DPM2: variants seen among roughly 807,000 people sequenced by gnomAD.
The protein encoded by DPM2 is dolichol phosphate-mannose biosynthesis regulatory protein.
In DPM2, 8 loss-of-function variants were observed where a neutral mutation model predicts 12.1. The ratio of observed to expected loss-of-function variants is 0.66; its 90% CI spans 0.39 to 1.19. The LOEUF (loss-of-function observed/expected upper bound fraction) is 1.19. Ranked by LOEUF, DPM2 falls within the 50% of genes most tolerant of loss-of-function variation. The pLI, the probability that DPM2 is intolerant of heterozygous loss-of-function variation, is 0.01. For missense variants in DPM2, 93 were observed against 102.5 expected (o/e 0.91, Z 0.40); for synonymous variants, 38 against 44.7 (o/e 0.85, Z 0.60).
At chr9:127,936,412 G>T in intron 3 of DPM2, 141 bp downstream of exon 3, 3 of 1,581,376 alleles carry the variant, frequency 1.9e-6, no homozygotes, top group Non-Finnish European at 2.6e-6. Flanking sequence ...CTGACTGGCA[G>T]CCTCGAAGGA....
At position 127,935,553 on chromosome 9, in the gene DPM2, G is replaced by A. The variant is rs1298413926; in HGVS notation, c.*169C>T. 1.5e-6 allele frequency: 1 copy of A among 686,400 alleles called. No homozygotes were observed. Among genetic ancestry groups the A allele is most frequent in the Non-Finnish European group, 2.5e-6 (1 of 394,748 alleles). 42.5% of individuals were successfully genotyped at this position (686,400 alleles called of 1,614,324 possible). On this transcript the variant is annotated 3_prime_UTR_variant, in exon 4 of 4. Coordinates refer to ENST00000314392, the MANE Select transcript of DPM2 (RefSeq NM_003863.4). ...CCTAGCTTCTGGAAGTGGGAGTCGGGGAGGGGGCTCCAGTCAGTCAGGTGT... is the reference window on the plus strand; with the variant it reads ...CCTAGCTTCTGGAAGTGGGAGTCGGAGAGGGGGCTCCAGTCAGTCAGGTGT...
In DPM2 at chr9:127,935,768, G is replaced by T; in HGVS notation, c.209C>A (p.Ser70Tyr). Residue 70 changes from serine to tyrosine, a missense_variant, in exon 4 of 4, where the codon TCC becomes TAC. Physicochemically the swap from Ser to Tyr is moderately radical, Grantham distance 144. Coordinates refer to ENST00000314392, the MANE Select transcript of DPM2 (RefSeq NM_003863.4). ...TCTCTTGGTCTTCAGCATCACATAG[G>T]AGATGAACAGTCCTGGGATACACAG... ...LLLLFVGLFI[S>Y]YVMLKTKRVT... The T allele has an allele frequency of 6.2e-7, 1 of 1,613,188 alleles. No homozygotes were observed. Among genetic ancestry groups the T allele is most frequent in the Non-Finnish European group, 8.5e-7 (1 of 1,179,202 alleles).
chr9:127,936,172 C>A, intron 3 of DPM2: 4 of 1,066,428 alleles, frequency 3.8e-6, no homozygotes, highest in Non-Finnish European at 5.2e-6. Context: ...ATCCAAATGA[C>A]TTTCTGAGCA....
intron 2 of DPM2, 101 bp from the exon 3 acceptor site, chr9:127,936,756 G>C: frequency 1.0e-6 from 1 of 995,828 alleles, no homozygotes; most frequent in South Asian, 2.8e-5. Flanking sequence ...CCCATTCAGA[G>C]GACTGGGACT....
chr9:127,936,272 G>A, intron 3 of DPM2: 1 of 1,441,720 alleles, frequency 6.9e-7, no homozygotes, highest in African/African-American at 1.4e-5. Flanking sequence ...GAGAGGTGCA[G>A]GAATTAGAAG....
chr9:127,935,511 TC>T lies in DPM2; in HGVS notation c.*210del. 1.6e-6 allele frequency: 1 copy of T among 608,278 alleles called. No individual in the cohort carries two copies. Among genetic ancestry groups the T allele is most frequent in the Non-Finnish European group, 2.9e-6 (1 of 343,254 alleles). The allele number at this position is 608,278 out of a possible 1,614,324, so 37.7% of individuals were successfully genotyped here. On this transcript the variant is annotated 3_prime_UTR_variant, in exon 4 of 4. Transcript: ENST00000314392. ...AGCAAGAAGGAGGTGACCGGAGTCT[TC>T]CAGGTATCCCTCCCTCCTAGCTTCT... is the stretch of plus-strand genomic sequence containing the variant.
chr9:127,937,496 G>A lies in DPM2; in HGVS notation c.31C>T (p.Leu11Phe). The change falls in exon 2 of 4, where the codon CTC becomes TTC. Residue 11 changes from leucine to phenylalanine, a missense_variant. Coordinates refer to ENST00000314392, the MANE Select transcript of DPM2 (RefSeq NM_003863.4). ...ATCAGGCTAACGGCGACGAGGCCGA[G>A]TCCCACCACCTGGTCTGTCCCCGTG... MATGTDQVVG[L>F]GLVAVSLIIF... 1.2e-6 allele frequency: 2 copies of A among 1,614,034 alleles called. No homozygotes were observed. Among genetic ancestry groups the A allele is most frequent in the Non-Finnish European group, 1.7e-6 (2 of 1,179,912 alleles).
In DPM2 at chr9:127,935,444, T is replaced by G. The variant is rs1018940950; in HGVS notation, c.*278A>C. ...ACCCAGGGGAAAAGGTGGCAGGGAG[T>G]CTGAGAGTGAGGTTGGGAGGACCAG... is the stretch of plus-strand genomic sequence containing the variant. On this transcript the variant is annotated 3_prime_UTR_variant, in exon 4 of 4. Coordinates refer to ENST00000314392, the MANE Select transcript of DPM2 (RefSeq NM_003863.4). 1 of 518,834 alleles carries G rather than the reference T, an allele frequency of 1.9e-6. No homozygotes were observed. The highest frequency in any genetic ancestry group is 3.5e-6 in the Non-Finnish European group (1 of 287,786). The allele number at this position is 518,834 out of a possible 1,614,324, so 32.1% of individuals were successfully genotyped here. A position where few individuals can be genotyped will look rare whatever the true frequency, so the allele number is the denominator to read the frequency against.
At position 127,937,439 on chromosome 9, in the gene DPM2, GA is replaced by G. The variant is rs749899610; in HGVS notation, c.87del (p.Leu30SerfsTer43). 9 of 1,612,496 alleles carry G rather than the reference GA, an allele frequency of 5.6e-6. No homozygotes were observed. Among genetic ancestry groups the G allele is most frequent in the African/African-American group, 1.3e-5 (1 of 75,008 alleles). Reference protein sequence around the residue: ...IIFTYYTAWVILLPFIDSQHV... With the variant: ...IIFTYYTAWVXLLPFIDSQHV... The stretch of plus-strand genomic sequence containing the variant: ...GGACGGGGAGAATGACATACCAAGA[GA>G]ATCACCCAGGCGGTGTAGTAGGTGA... On this transcript the variant is annotated frameshift_variant, in exon 2 of 4. Transcript: ENST00000314392. LOFTEE classifies it high-confidence loss of function.
At position 127,935,541 on chromosome 9, in the gene DPM2, A is replaced by G. The variant is rs1226769193; in HGVS notation, c.*181T>C. 9.1e-6 allele frequency: 6 copies of G among 655,962 alleles called. No individual in the cohort carries two copies. The highest frequency in any genetic ancestry group is 1.3e-5 in the Non-Finnish European group (5 of 372,462). 40.6% of individuals were successfully genotyped at this position (655,962 alleles called of 1,614,324 possible). ...GTATCCCTCCCTCCTAGCTTCTGGA[A>G]GTGGGAGTCGGGGAGGGGGCTCCAG... On this transcript the variant is annotated 3_prime_UTR_variant, in exon 4 of 4. Coordinates refer to ENST00000314392, the MANE Select transcript of DPM2 (RefSeq NM_003863.4).
intron 3 of DPM2, 167 bp from the exon 4 acceptor site, chr9:127,935,947 T>C: frequency 3.1e-6 from 2 of 641,202 alleles, no homozygotes; most frequent in Non-Finnish European, 5.5e-6. Context: ...ATATGTCTAC[T>C]CACATTCACT....
At chr9:127,937,604 C>T (rs2131649928) in intron 1 of DPM2, 81 bp from the exon 2 acceptor site, 1 of 1,334,662 alleles carries the variant, frequency 7.5e-7, no homozygotes, top group South Asian at 1.3e-5. Context: ...GCGGCCCGAT[C>T]ACGGTCTAAG....
In DPM2 at chr9:127,936,674, C is replaced by T. The variant is rs760505582; in HGVS notation, c.94-19G>A. The T allele has an allele frequency of 6.7e-6, 10 of 1,483,848 alleles. No individual in the cohort carries two copies. In the African/African-American group the frequency reaches 1.0e-4, roughly 15 times the overall value. The allele number at this position is 1,483,848 out of a possible 1,614,324, so 91.9% of individuals were successfully genotyped here. A position where few individuals can be genotyped will look rare whatever the true frequency, so the allele number is the denominator to read the frequency against. ...TGAATGGCTGGCATCGAGGGAAGAGCTCTGGTGTGTCTTGCTTGCCTTGCC... is the reference window on the plus strand; with the variant it reads ...TGAATGGCTGGCATCGAGGGAAGAGTTCTGGTGTGTCTTGCTTGCCTTGCC... On this transcript the variant is annotated intron_variant, in intron 2 of 3. Coordinates refer to ENST00000314392, the MANE Select transcript of DPM2 (RefSeq NM_003863.4).
At chr9:127,937,623 T>C (rs2131649959) in intron 1 of DPM2, 100 bp from the exon 2 acceptor site, 1 of 1,257,334 alleles carries the variant, frequency 8.0e-7, no homozygotes, top group Non-Finnish European at 1.1e-6. Flanking sequence ...AGCTTCCCAT[T>C]CAACAGATGG....
intron 1 of DPM2, 141 bp downstream of exon 1, chr9:127,937,677 C>T (rs1831531320): frequency 7.8e-7 from 1 of 1,275,116 alleles, no homozygotes. Flanking sequence ...GGAGAGAATG[C>T]TAGGCCTCCG....
At chr9:127,936,515 AC>A in intron 3 of DPM2, 37 bp downstream of exon 3, 1 of 1,603,458 alleles carries the variant, frequency 6.2e-7, no homozygotes, top group Non-Finnish European at 8.5e-7. Context: ...TCTTCCCGAA[AC>A]CCTGCCCAGG....
chr9:127,936,642 C>T lies in DPM2; in HGVS notation c.107G>A (p.Ser36Asn), dbSNP rs771463310. 5 of 1,502,806 alleles carry T rather than the reference C, an allele frequency of 3.3e-6. No homozygotes were observed. Among genetic ancestry groups the T allele is most frequent in the African/African-American group, 1.4e-5 (1 of 71,022 alleles). The allele number at this position is 1,502,806 out of a possible 1,614,324, so 93.1% of individuals were successfully genotyped here. ...AWVILLPFID[S>N]QHVIHKYFLP... is the part of the protein sequence containing the mutation. ...GAAATACTTGTGGATGACATGCTGACTGTCGATGAATGGCTGGCATCGAGG... is the reference window on the plus strand; with the variant it reads ...GAAATACTTGTGGATGACATGCTGATTGTCGATGAATGGCTGGCATCGAGG... Residue 36 changes from serine to asparagine, a missense_variant, in exon 3 of 4, where the codon AGT (serine) becomes AAT (asparagine). Coordinates refer to ENST00000314392, the MANE Select transcript of DPM2 (RefSeq NM_003863.4).
chr9:127,937,743 A>C (rs900965193), intron 1 of DPM2, 75 bp downstream of exon 1: 17 of 1,587,472 alleles, frequency 1.1e-5, no homozygotes, highest in Non-Finnish European at 1.4e-5. Context: ...CCAAGTGCCC[A>C]TGCCCCAGCT....
chr9:127,936,515 A>G (rs376332642), intron 3 of DPM2, 38 bp downstream of exon 3: 42 of 1,603,340 alleles, frequency 2.6e-5, no homozygotes, highest in Non-Finnish European at 3.3e-5. Flanking sequence ...TCTTCCCGAA[A>G]CCCTGCCCAG....
Sources: allele counts gnomAD v4.1 joint callset, GRCh38; gene constraint gnomAD v4.1.1; transcripts MANE v1.5; gene names NCBI Gene and HGNC (gene_info 2026-07-23, HGNC 2026-07-21).